The following UNC5D variants were observed in gnomAD, a reference collection of about 807,000 sequenced individuals.
The protein encoded by UNC5D is unc-5 netrin receptor D, also known as netrin receptor UNC5D.
Under a neutral mutation model 105.4 loss-of-function variants are expected in UNC5D, and 39 were observed. The ratio of observed to expected loss-of-function variants is 0.37; its 90% CI spans 0.29 to 0.48. The LOEUF is 0.48. Ranked by LOEUF, UNC5D falls within the 20% of genes least tolerant of loss-of-function variation. The pLI is 0.98. For missense variants in UNC5D, 991 were observed against 1,202.4 expected (o/e 0.82, Z 2.60); for synonymous variants, 452 against 450.4 (o/e 1.00, Z -0.04).
chr8:35,427,229 A>G (rs1806312305), intron 1 of UNC5D, among the ~76,000 whole-genome samples: 2 of 152,154 alleles, frequency 1.3e-5, no homozygotes, highest in African/African-American at 4.8e-5. Flanking sequence ...CTTGGTATTC[A>G]AGGCCGGCTT....
At chr8:35,293,343 C>T (rs1366831332) in intron 1 of UNC5D, among the ~76,000 whole-genome samples, 1 of 152,158 alleles carries the variant, frequency 6.6e-6, no homozygotes, top group Non-Finnish European at 1.5e-5. Context: ...TGTTTCAGTG[C>T]TTTTACCATG....
At chr8:35,757,260 T>C (rs906162736) in intron 13 of UNC5D, among the ~76,000 whole-genome samples, 5 of 152,114 alleles carry the variant, frequency 3.3e-5, no homozygotes, top group Non-Finnish European at 5.9e-5. Context: ...TACTCAAAAA[T>C]AAAATACAAA....
chr8:35,560,396 A>G (rs1309899775), intron 2 of UNC5D, among the ~76,000 whole-genome samples: 1 of 152,226 alleles, frequency 6.6e-6, no homozygotes, highest in Non-Finnish European at 1.5e-5. Flanking sequence ...ATTTGTGAAT[A>G]TATCACGTAT....
intron 1 of UNC5D, among the ~76,000 whole-genome samples, chr8:35,272,046 C>G (rs1805444726): frequency 6.6e-6 from 1 of 151,732 alleles, no homozygotes; most frequent in African/African-American, 2.4e-5. Context: ...CTACCCACCA[C>G]TAAAATAAAA....
intron 1 of UNC5D, among the ~76,000 whole-genome samples, chr8:35,497,604 G>A (rs1487248699): frequency 6.6e-6 from 1 of 151,756 alleles, no homozygotes; most frequent in East Asian, 1.9e-4. Context: ...GACAGCCAAT[G>A]GAAATATCTA....
chr8:35,599,523 T>C (rs1819708709), intron 4 of UNC5D, among the ~76,000 whole-genome samples: 2 of 152,178 alleles, frequency 1.3e-5, no homozygotes, highest in African/African-American at 4.8e-5. Context: ...AAAACATGCT[T>C]CTCACATCCA....
intron 1 of UNC5D, among the ~76,000 whole-genome samples, chr8:35,489,334 C>T: frequency 6.6e-6 from 1 of 151,998 alleles, no homozygotes; most frequent in Non-Finnish European, 1.5e-5. Context: ...CACCCTAACA[C>T]CCGGCCACCC....
chr8:35,398,727 T>C (rs1457207346), intron 1 of UNC5D, among the ~76,000 whole-genome samples: 1 of 152,172 alleles, frequency 6.6e-6, no homozygotes, highest in Admixed American at 6.5e-5. Context: ...TGGGATGTTT[T>C]ACCTCTGCAA....
rs1418029561 is a variant in UNC5D, at chr8:35,793,039, A to G, written c.*2476A>G. ...TATCATATAGGATAACAAAGGAGGA[A>G]GTTAACTTAATTCACCTCAGACTTC... On this transcript the variant is annotated 3_prime_UTR_variant, in exon 17 of 17. Transcript: ENST00000404895. 8.8e-6 allele frequency: 4 copies of G among 454,458 alleles called. No homozygotes were observed. The highest frequency in any genetic ancestry group is 2.4e-5 in the Admixed American group (1 of 42,264). The allele number at this position is 454,458 out of a possible 1,614,324, so 28.2% of individuals were successfully genotyped here.
At chr8:35,543,745 C>T (rs1815437793) in intron 1 of UNC5D, among the ~76,000 whole-genome samples, 2 of 152,198 alleles carry the variant, frequency 1.3e-5, no homozygotes, top group South Asian at 4.1e-4. Flanking sequence ...TTTATTTTCT[C>T]AGGGCCTTCT....
At chr8:35,328,809 A>G (rs959061744) in intron 1 of UNC5D, among the ~76,000 whole-genome samples, 3 of 152,174 alleles carry the variant, frequency 2.0e-5, no homozygotes, top group Non-Finnish European at 2.9e-5. Flanking sequence ...ATCGTTCCAC[A>G]TATTAGCGTT....
intron 4 of UNC5D, among the ~76,000 whole-genome samples, chr8:35,650,588 C>T (rs1284863451): frequency 6.6e-6 from 1 of 152,160 alleles, no homozygotes; most frequent in Non-Finnish European, 1.5e-5. Flanking sequence ...CTGCCTCAGC[C>T]TCCTGAGTAG....
intron 1 of UNC5D, among the ~76,000 whole-genome samples, chr8:35,425,998 G>T (rs145421923): frequency 0.012 from 1,861 of 152,054 alleles, 14 homozygotes; most frequent in Non-Finnish European, 0.02. Flanking sequence ...TCCATGTAAC[G>T]CCATGAACGA....
intron 4 of UNC5D, among the ~76,000 whole-genome samples, chr8:35,626,404 C>G (rs576627573): frequency 1.3e-5 from 2 of 152,196 alleles, no homozygotes; most frequent in South Asian, 4.2e-4. Flanking sequence ...TAAAATGCAG[C>G]CTCCCTTTGG....
chr8:35,642,525 A>T (rs770155974), intron 4 of UNC5D, among the ~76,000 whole-genome samples: 1 of 152,040 alleles, frequency 6.6e-6, no homozygotes, highest in Admixed American at 6.6e-5. Flanking sequence ...GTTTACACTC[A>T]GGCTTTAAGT....
At chr8:35,647,363 A>G (rs1286374012) in intron 4 of UNC5D, among the ~76,000 whole-genome samples, 1 of 149,970 alleles carries the variant, frequency 6.7e-6, no homozygotes, top group African/African-American at 2.5e-5. Context: ...TATTTTAAAA[A>G]TCCTGATTTG....
chr8:35,380,098 T>TGG (rs1802938363), intron 1 of UNC5D, among the ~76,000 whole-genome samples: 1 of 7,396 alleles, frequency 1.4e-4, no homozygotes, highest in Non-Finnish European at 2.6e-4. Context: ...GGGGGGGGGG[T>TGG]CGGGGAGAGA....
rs1174265612 is a variant in UNC5D at position 35,793,861 on chromosome 8, T to A, written c.*3298T>A. 6.6e-6 allele frequency: 1 copy of A among 152,294 alleles called. No homozygotes were observed. The highest frequency in any genetic ancestry group is 6.5e-5 in the Admixed American group (1 of 15,270). 9.4% of individuals were successfully genotyped at this position (152,294 alleles called of 1,614,324 possible). On this transcript the variant is annotated 3_prime_UTR_variant, in exon 17 of 17. Coordinates refer to ENST00000404895, the MANE Select transcript of UNC5D (RefSeq NM_080872.4). ...CACAGTTCTCTTTAAAGAGAAGAAC[T>A]TTTTTATTATTATTTTTATCTCCAA...
rs962784233 is a variant in UNC5D at position 35,269,688 on chromosome 8, G to A, written c.103+33801G>A. 6.6e-5 allele frequency among the ~76,000 whole-genome samples: 10 copies of A among 152,152 alleles called. No homozygotes were observed. The East Asian group carries it at 1.7e-3, about 26-fold the overall frequency. ...TTCCAGTTTCTCCTACTGCTGTGCT[G>A]ATATTCAGCCTCCCATCGCCGGTTT... is the stretch of plus-strand genomic sequence containing the variant. On this transcript the variant is annotated intron_variant, in intron 1 of 16. Coordinates refer to ENST00000404895, the MANE Select transcript of UNC5D (RefSeq NM_080872.4).
Sources: gnomAD v4.1 joint callset for allele counts (sites outside exome capture counted in the v4.1 genomes callset) on GRCh38, gnomAD v4.1.1 for gene constraint, MANE v1.5 for transcripts, NCBI Gene and HGNC (gene_info 2026-07-23, HGNC 2026-07-21) for gene names.